FBXL17: variants seen among roughly 807,000 people sequenced by gnomAD.
FBXL17 encodes the protein F-box/LRR-repeat protein 17.
A neutral mutation model predicts 66.2 loss-of-function variants in FBXL17; 22 were observed. That is an observed-to-expected ratio of 0.33 (90% CI 0.24 to 0.47). The LOEUF is 0.47. FBXL17 is among the 20% of genes least tolerant of loss of function. The pLI is 1.00. For synonymous variants in FBXL17, 474 were observed against 400.5 expected (o/e 1.18, Z -2.19); for missense variants, 878 against 948.2 (o/e 0.93, Z 0.97).
chr5:108,137,117 A>C (rs914710693), intron 6 of FBXL17, among the ~76,000 whole-genome samples: 2 of 152,200 alleles, frequency 1.3e-5, no homozygotes, highest in East Asian at 1.9e-4. Context: ...CTATGAACTA[A>C]ATATGTCTCT....
chr5:107,889,295 T>G (rs1444999138), intron 7 of FBXL17, among the ~76,000 whole-genome samples: 5 of 152,222 alleles, frequency 3.3e-5, no homozygotes, highest in African/African-American at 9.6e-5. Context: ...GAAACTTAAG[T>G]AAATTCAGGA....
chr5:108,161,518 A>T (rs1342543512), intron 6 of FBXL17, among the ~76,000 whole-genome samples: 3 of 151,760 alleles, frequency 2.0e-5, no homozygotes, highest in Non-Finnish European at 4.4e-5. Context: ...ACACAAACTC[A>T]ACCAGTAAGT....
intron 5 of FBXL17, among the ~76,000 whole-genome samples, chr5:108,208,379 C>A (rs1290066812): frequency 6.6e-6 from 1 of 152,172 alleles, no homozygotes; most frequent in Non-Finnish European, 1.5e-5. Context: ...GAGATGAAGT[C>A]TTTGCCCATG....
chr5:108,178,513 T>C (rs1752882263), intron 6 of FBXL17, among the ~76,000 whole-genome samples: 5 of 152,220 alleles, frequency 3.3e-5, no homozygotes, highest in African/African-American at 1.2e-4. Flanking sequence ...AAAGACTCCA[T>C]TCTGTTTCTA....
Position 107,889,104 on chromosome 5 carries a change from C to T in FBXL17, c.1823-7925G>A, listed in dbSNP as rs1173710965. On this transcript the variant is annotated intron_variant, in intron 7 of 8. Transcript: ENST00000542267. The stretch of plus-strand genomic sequence containing the variant: ...CCTAAGGATTAATGGTATTGTGTAT[C>T]TTTATCATGGTGCCACACTTTAAAA... Among the ~76,000 whole-genome samples, 13 of 152,120 alleles carry T rather than the reference C, an allele frequency of 8.5e-5. No homozygotes were observed. In the South Asian group the frequency reaches 2.7e-3, roughly 32 times the overall value.
chr5:108,201,970 TTTC>T (rs1285489840), intron 5 of FBXL17, among the ~76,000 whole-genome samples: 1 of 152,120 alleles, frequency 6.6e-6, no homozygotes, highest in Non-Finnish European at 1.5e-5. Context: ...ACAAGAGTAT[TTTC>T]AACAAAAACC....
intron 7 of FBXL17, among the ~76,000 whole-genome samples, chr5:107,963,057 T>C (rs1302289759): frequency 6.6e-6 from 1 of 152,140 alleles, no homozygotes; most frequent in Admixed American, 6.6e-5. Context: ...TATTTGGAGG[T>C]GCTAATCTCA....
At chr5:108,178,813 T>C (rs948194576) in intron 6 of FBXL17, among the ~76,000 whole-genome samples, 1 of 152,222 alleles carries the variant, frequency 6.6e-6, no homozygotes, top group Admixed American at 6.5e-5. Context: ...TTCAGGCTTT[T>C]ATGATAGAAA....
In FBXL17 at chr5:108,119,973, A is replaced by G. The variant is rs144236709; in HGVS notation, c.1745+66144T>C. 5.8e-3 allele frequency among the ~76,000 whole-genome samples: 883 copies of G among 152,340 alleles called. 12 individuals are homozygous for G. Among genetic ancestry groups the G allele is most frequent in the African/African-American group, 0.02 (816 of 41,580 alleles). On this transcript the variant is annotated intron_variant, in intron 6 of 8. Coordinates refer to ENST00000542267, the MANE Select transcript of FBXL17 (RefSeq NM_001163315.3). ...GGCCCTGGCATTAGACTTGCTTCAT[A>G]GTGTGCATTCATTATTACTGCAAAC...
chr5:108,055,307 A>G (rs1747652816), intron 6 of FBXL17, among the ~76,000 whole-genome samples: 2 of 22,114 alleles, frequency 9.0e-5, no homozygotes, highest in Non-Finnish European at 1.7e-4. Flanking sequence ...AAAAAAAAAA[A>G]AAAAAAGAAA....
chr5:107,975,649 GT>G (rs1752549096), intron 7 of FBXL17, among the ~76,000 whole-genome samples: 1 of 152,024 alleles, frequency 6.6e-6, no homozygotes, highest in Non-Finnish European at 1.5e-5. Flanking sequence ...AAATAGTGTG[GT>G]TTTCATTGTA....
intron 3 of FBXL17, among the ~76,000 whole-genome samples, chr5:108,354,542 G>A (rs1580875543): frequency 6.6e-6 from 1 of 151,900 alleles, no homozygotes; most frequent in Admixed American, 6.6e-5. Flanking sequence ...CAAGAAAAGA[G>A]AGAGAGACAG....
At chr5:108,050,287 T>G (rs1304292375) in intron 6 of FBXL17, among the ~76,000 whole-genome samples, 1 of 152,216 alleles carries the variant, frequency 6.6e-6, no homozygotes, top group Non-Finnish European at 1.5e-5. Context: ...ACATGGCACT[T>G]ATTCTAAAAT....
At chr5:107,929,395 T>G (rs939136483) in intron 7 of FBXL17, among the ~76,000 whole-genome samples, 6 of 152,200 alleles carry the variant, frequency 3.9e-5, no homozygotes, top group African/African-American at 1.4e-4. Flanking sequence ...CTAAATGCTC[T>G]AAAATTACCT....
At chr5:107,920,406 T>C (rs1169412098) in intron 7 of FBXL17, among the ~76,000 whole-genome samples, 3 of 152,194 alleles carry the variant, frequency 2.0e-5, no homozygotes, top group East Asian at 3.9e-4. Flanking sequence ...AGTTTCACCA[T>C]GTTGGCCAGG....
chr5:108,134,534 G>A (rs933484463), intron 6 of FBXL17, among the ~76,000 whole-genome samples: 1 of 152,088 alleles, frequency 6.6e-6, no homozygotes, highest in African/African-American at 2.4e-5. Flanking sequence ...CTGAACTGCA[G>A]CAACTCTTTC....
At position 107,934,352 on chromosome 5, in the gene FBXL17, C is replaced by T. The variant is rs189155615; in HGVS notation, c.1823-53173G>A. Among the ~76,000 whole-genome samples, 452 of 152,166 alleles carry T rather than the reference C, an allele frequency of 3.0e-3. 5 individuals are homozygous for T. Among genetic ancestry groups the T allele is most frequent in the Non-Finnish European group, 3.6e-3 (243 of 67,984 alleles). ...CATAAATGACCATTTTACATAAATA[C>T]GACTGATCTTTTTCTTGGCTTCAAA... On this transcript the variant is annotated intron_variant, in intron 7 of 8. Coordinates refer to ENST00000542267, the MANE Select transcript of FBXL17 (RefSeq NM_001163315.3).
chr5:108,278,817 C>A (rs751981518), intron 4 of FBXL17, among the ~76,000 whole-genome samples: 2 of 152,224 alleles, frequency 1.3e-5, no homozygotes, highest in African/African-American at 2.4e-5. Context: ...CTCCCCATCA[C>A]AGCTGGTGCA....
chr5:108,373,351 TCTA>T (rs1199285033), intron 1 of FBXL17, among the ~76,000 whole-genome samples: 2 of 101,034 alleles, frequency 2.0e-5, no homozygotes, highest in African/African-American at 7.6e-5. Context: ...ATATAATATA[TCTA>T]AATATATATT....
Sources: gnomAD v4.1 joint callset for allele counts (sites outside exome capture counted in the v4.1 genomes callset) on GRCh38, gnomAD v4.1.1 for gene constraint, MANE v1.5 for transcripts, NCBI Gene and HGNC (gene_info 2026-07-23, HGNC 2026-07-21) for gene names.